AFG2A: variants seen among roughly 807,000 people sequenced by gnomAD.
AFG2A encodes AAA ATPase AFG2A.
the AFG2A span, among the ~76,000 whole-genome samples, chr4:123,114,005 T>A: frequency 6.6e-6 from 1 of 151,514 alleles, no homozygotes; most frequent in Non-Finnish European, 1.5e-5. Flanking sequence ...TCTCTGCTGC[T>A]GGTCATCCTG....
At chr4:123,118,322 T>TATATATAATTATATC in the AFG2A span, among the ~76,000 whole-genome samples, 2 of 93,778 alleles carry the variant, frequency 2.1e-5, no homozygotes, top group East Asian at 8.0e-4. Context: ...TAATATATAT[T>TATATATAATTATATC]ATATATAATA....
chr4:122,936,297 A>G, the AFG2A span: 1 of 452,292 alleles, frequency 2.2e-6, no homozygotes, highest in Non-Finnish European at 3.8e-6. Context: ...AGATCTAATG[A>G]AATTCTATTT....
At chr4:122,927,829 T>A in the AFG2A span, 2 of 1,571,002 alleles carry the variant, frequency 1.3e-6, no homozygotes, top group African/African-American at 2.7e-5. Context: ...ATCTAAACTC[T>A]GAAATGCTTT....
the AFG2A span, among the ~76,000 whole-genome samples, chr4:123,203,320 T>C: frequency 4.4e-3 from 669 of 150,724 alleles, 3 homozygotes; most frequent in Non-Finnish European, 8.1e-3. Flanking sequence ...CCAGCTAATT[T>C]TTGTATTTAT....
chr4:123,142,292 C>G, the AFG2A span, among the ~76,000 whole-genome samples: 1 of 152,022 alleles, frequency 6.6e-6, no homozygotes, highest in African/African-American at 2.4e-5. Context: ...ATGCATATAG[C>G]CTTGGTAGTT....
chr4:122,929,108 A>G, the AFG2A span: 1 of 1,613,672 alleles, frequency 6.2e-7, no homozygotes, highest in South Asian at 1.1e-5. Flanking sequence ...TGGCACAGAA[A>G]AATGTGGGTG....
chr4:123,170,053 A>T, the AFG2A span, among the ~76,000 whole-genome samples: 1 of 152,176 alleles, frequency 6.6e-6, no homozygotes, highest in African/African-American at 2.4e-5. Context: ...CAATTGTAAT[A>T]TTTTTAGTAG....
chr4:123,150,562 A>C, the AFG2A span, among the ~76,000 whole-genome samples: 1 of 151,328 alleles, frequency 6.6e-6, no homozygotes, highest in Admixed American at 6.6e-5. Flanking sequence ...CTTACAAGGG[A>C]TGTGAAGGAC....
the AFG2A span, among the ~76,000 whole-genome samples, chr4:122,997,833 A>G: frequency 6.6e-6 from 1 of 152,080 alleles, no homozygotes; most frequent in Admixed American, 6.6e-5. Flanking sequence ...GATTATAGCT[A>G]TCCTAGTGGG....
At chr4:122,953,539 T>C in the AFG2A span, among the ~76,000 whole-genome samples, 1 of 152,246 alleles carries the variant, frequency 6.6e-6, no homozygotes, top group African/African-American at 2.4e-5. Flanking sequence ...TTATCAGGGT[T>C]CTGGGGCCTT....
chr4:122,968,184 A>G, the AFG2A span, among the ~76,000 whole-genome samples: 41 of 152,308 alleles, frequency 2.7e-4, no homozygotes, highest in South Asian at 6.8e-3. Context: ...TATAATTTCT[A>G]AAACTACCAT....
the AFG2A span, among the ~76,000 whole-genome samples, chr4:123,283,280 A>C: frequency 2.6e-5 from 4 of 152,124 alleles, no homozygotes; most frequent in Admixed American, 2.6e-4. Flanking sequence ...TAATGGTTAG[A>C]TATCATTTGA....
the AFG2A span, among the ~76,000 whole-genome samples, chr4:123,284,865 A>C: frequency 6.6e-6 from 1 of 152,216 alleles, no homozygotes. Context: ...CCAGGATGTG[A>C]ATGCCAAAAT....
At chr4:123,197,521 G>A in the AFG2A span, among the ~76,000 whole-genome samples, 1 of 152,248 alleles carries the variant, frequency 6.6e-6, no homozygotes, top group East Asian at 1.9e-4. Flanking sequence ...TGTAATCCGA[G>A]CACTTTGGGA....
chr4:123,303,488 G>T, the AFG2A span, among the ~76,000 whole-genome samples: 1 of 152,114 alleles, frequency 6.6e-6, no homozygotes, highest in African/African-American at 2.4e-5. Flanking sequence ...CGTTAAGGCC[G>T]GGCATGGTGG....
At chr4:123,292,469 G>C in the AFG2A span, among the ~76,000 whole-genome samples, 2 of 152,012 alleles carry the variant, frequency 1.3e-5, no homozygotes, top group Non-Finnish European at 1.5e-5. Context: ...TTATTTTTCT[G>C]GTTCCTTATC....
the AFG2A span, among the ~76,000 whole-genome samples, chr4:123,292,754 G>A: frequency 3.9e-5 from 6 of 152,188 alleles, no homozygotes; most frequent in Admixed American, 3.9e-4. Context: ...GTCCCATGAA[G>A]CTTACATCAT....
chr4:122,973,202 C>T, the AFG2A span, among the ~76,000 whole-genome samples: 303 of 152,120 alleles, frequency 2.0e-3, 1 homozygote, highest in Non-Finnish European at 3.6e-3. Flanking sequence ...GATATAGGTG[C>T]ACTGTTATCC....
chr4:122,978,883 ACTGG>A, the AFG2A span, among the ~76,000 whole-genome samples: 1 of 152,180 alleles, frequency 6.6e-6, no homozygotes, highest in African/African-American at 2.4e-5. Context: ...TTTTTCTGGG[ACTGG>A]GGAGAGGCCA....
Sources: gnomAD v4.1 joint callset for allele counts (sites outside exome capture counted in the v4.1 genomes callset) on GRCh38, gnomAD v4.1.1 for gene constraint, MANE v1.5 for transcripts, NCBI Gene and HGNC (gene_info 2026-07-23, HGNC 2026-07-21) for gene names.